Variants in MAFG observed in about 807,000 individuals in gnomAD.
MAFG encodes the protein MAF bZIP transcription factor G, also known as transcription factor MafG.
A neutral mutation model predicts 12.2 loss-of-function variants in MAFG; 3 were observed. The ratio of observed to expected loss-of-function variants is 0.25; its 90% CI spans 0.11 to 0.64. The LOEUF (loss-of-function observed/expected upper bound fraction) is 0.64, where lower values mean the gene tolerates loss of function less well. Ranked by LOEUF, MAFG falls within the 30% of genes least tolerant of loss-of-function variation. The pLI is 0.85. For missense variants in MAFG, 153 were observed against 235.5 expected (o/e 0.65, Z 2.29); for synonymous variants, 126 against 109.1 (o/e 1.15, Z -0.96).
At chr17:81,929,584 CTT>C (rs1373618159), upstream of MAFG, 2 of 152,510 alleles carry the variant, frequency 1.3e-5, no homozygotes, top group Non-Finnish European at 2.9e-5. The surrounding 1 kb of genome is among the most constrained non-coding windows in gnomAD (Gnocchi z 5.7). Context: ...GCCCAGGACA[CTT>C]GTCCCTGGAC....
In MAFG at chr17:81,920,097, G is replaced by A. The variant is rs566228256; in HGVS notation, c.*2508C>T. Reference sequence around the variant, plus strand: ...AGGAGGGCCTGTTTCTCCCCACTCCGAGGCAGATCATGACGTTTTCTTCAT... The same window carrying A: ...AGGAGGGCCTGTTTCTCCCCACTCCAAGGCAGATCATGACGTTTTCTTCAT... On this transcript the variant is annotated 3_prime_UTR_variant, in exon 3 of 3. Transcript: ENST00000357736. The A allele has an allele frequency of 7.2e-5, 11 of 152,314 alleles. No homozygotes were observed. In the East Asian group the frequency reaches 1.7e-3, roughly 24 times the overall value. The allele number at this position is 152,314 out of a possible 1,614,324, so 9.4% of individuals were successfully genotyped here. A position where few individuals can be genotyped will look rare whatever the true frequency, so the allele number is the denominator to read the frequency against.
chr17:81,923,444 G>C (rs1168700665), intron 1 of MAFG: 1 of 436,592 alleles, frequency 2.3e-6, no homozygotes, highest in East Asian at 3.7e-5. Context: ...AGGTCAGGAA[G>C]GTCTGACGGG....
In MAFG at chr17:81,926,697, C is replaced by A. The variant is rs905245549; in HGVS notation, c.-30+831G>T. Among the ~76,000 whole-genome samples, 1 of 152,166 alleles carries A rather than the reference C, an allele frequency of 6.6e-6. No homozygotes were observed. The highest frequency in any genetic ancestry group is 2.4e-5 in the African/African-American group (1 of 41,420). Reference sequence around the variant, plus strand: ...CCAGGACCAGCTGCCGGAAAAGAGCCGCCTGGGAAGGGGTGGACCGCCCGG... The same window carrying A: ...CCAGGACCAGCTGCCGGAAAAGAGCAGCCTGGGAAGGGGTGGACCGCCCGG... On this transcript the variant is annotated intron_variant, in intron 1 of 2. Transcript: ENST00000357736. This position sits in a 1 kb window ranked among gnomAD's most constrained non-coding sequence, Gnocchi z 4.6.
intron 1 of MAFG, among the ~76,000 whole-genome samples, chr17:81,927,120 G>T (rs1265491532): frequency 6.6e-6 from 1 of 151,584 alleles, no homozygotes; most frequent in Non-Finnish European, 1.5e-5. Context: ...CGCGGCCACC[G>T]GATGAATCAG....
intron 2 of MAFG, 33 bp from the exon 3 acceptor site, chr17:81,923,090 C>T (rs540359807): frequency 1.3e-5 from 21 of 1,609,046 alleles, no homozygotes; most frequent in South Asian, 8.9e-5. Context: ...ACAGGCCAAG[C>T]GGGCACGCCC....
chr17:81,925,377 C>T (rs1399375395), intron 1 of MAFG, among the ~76,000 whole-genome samples: 2 of 152,254 alleles, frequency 1.3e-5, no homozygotes, highest in Non-Finnish European at 2.9e-5. Flanking sequence ...ACACAGACAG[C>T]CCCACCTGGC....
Position 81,923,175 on chromosome 17 carries a change from G to C in MAFG, c.11C>G (p.Pro4Arg). MTT[P>R]NKGNKALKVK... Reference sequence around the variant, plus strand: ...CTTCAAGGCCTTGTTTCCTTTATTGGGGGTCGTCATAACCCGGGGGCACAG... The same window carrying C: ...CTTCAAGGCCTTGTTTCCTTTATTGCGGGTCGTCATAACCCGGGGGCACAG... Residue 4 changes from proline (P) to arginine (R), a missense_variant, in exon 2 of 3, where the codon CCC becomes CGC. Transcript: ENST00000357736. 1 of 1,607,624 alleles carries C rather than the reference G, an allele frequency of 6.2e-7. No individual in the cohort carries two copies. Among genetic ancestry groups the C allele is most frequent in the Non-Finnish European group, 8.5e-7 (1 of 1,176,954 alleles).
In MAFG at chr17:81,918,342, A is replaced by G. The variant is rs2040849992; in HGVS notation, c.*4263T>C. On this transcript the variant is annotated 3_prime_UTR_variant, in exon 3 of 3. Coordinates refer to ENST00000357736, the MANE Select transcript of MAFG (RefSeq NM_002359.4). ...TATATCACAAACATACACTATGTACAGCAATAAATACCCGGGGGGCCAGGC... is the reference window on the plus strand; with the variant it reads ...TATATCACAAACATACACTATGTACGGCAATAAATACCCGGGGGGCCAGGC... 1 of 412,410 alleles carries G rather than the reference A, an allele frequency of 2.4e-6. No individual in the cohort carries two copies. Among genetic ancestry groups the G allele is most frequent in the South Asian group, 5.1e-5 (1 of 19,754 alleles). 25.5% of individuals were successfully genotyped at this position (412,410 alleles called of 1,614,324 possible). A position where few individuals can be genotyped will look rare whatever the true frequency, so the allele number is the denominator to read the frequency against.
rs375467089 is a variant in MAFG, at chr17:81,923,142, C to T, written c.36+8G>A. The T allele has an allele frequency of 6.2e-7, 1 of 1,611,764 alleles. No individual in the cohort carries two copies. Among genetic ancestry groups the T allele is most frequent in the African/African-American group, 1.3e-5 (1 of 74,884 alleles). On this transcript the variant is annotated splice_region_variant and intron_variant, in intron 2 of 2. Coordinates refer to ENST00000357736, the MANE Select transcript of MAFG (RefSeq NM_002359.4). ...CCAGCCCACAGGCTCCTGTCCCTGC[C>T]CACTCACCTTCAAGGCCTTGTTTCC... is the stretch of plus-strand genomic sequence containing the variant.
rs1359203405 is a variant in MAFG at position 81,920,479 on chromosome 17, C to T, written c.*2126G>A. On this transcript the variant is annotated 3_prime_UTR_variant, in exon 3 of 3. Transcript: ENST00000357736. The stretch of plus-strand genomic sequence containing the variant: ...GCCCCACAGAAAAGAAACCAGCAAC[C>T]CGGTGAAAGGCCAGGGCTCACATGG... The T allele has an allele frequency of 6.6e-6, 1 of 152,250 alleles. No homozygotes were observed. The highest frequency in any genetic ancestry group is 6.5e-5 in the Admixed American group (1 of 15,286). 9.4% of individuals were successfully genotyped at this position (152,250 alleles called of 1,614,324 possible).
intron 1 of MAFG, among the ~76,000 whole-genome samples, chr17:81,923,690 G>A (rs1350115176): frequency 6.6e-6 from 1 of 152,084 alleles, no homozygotes; most frequent in Admixed American, 6.5e-5. Context: ...CGCCCCACGA[G>A]AGCCGCAGCC....
chr17:81,923,254 CTCGCCGCA>C, intron 1 of MAFG, 40 bp from the exon 2 acceptor site: 1 of 1,033,656 alleles, frequency 9.7e-7, no homozygotes, highest in Non-Finnish European at 1.3e-6. Context: ...GGAGACCACC[CTCGCCGCA>C]CCCCCCCCCC....
chr17:81,922,596 C>A lies in MAFG; in HGVS notation c.*9G>T. On this transcript the variant is annotated 3_prime_UTR_variant, in exon 3 of 3. Transcript: ENST00000357736. ...CCCCGCAAAGACCCGCCTGGGCAGA[C>A]GCGCGTCCCTACGATCGGGCATCCG... 6.9e-7 allele frequency: 1 copy of A among 1,456,824 alleles called. No individual in the cohort carries two copies. The highest frequency in any genetic ancestry group is 9.0e-7 in the Non-Finnish European group (1 of 1,106,696). 90.2% of individuals were successfully genotyped at this position (1,456,824 alleles called of 1,614,324 possible). A position where few individuals can be genotyped will look rare whatever the true frequency, so the allele number is the denominator to read the frequency against.
chr17:81,922,846 T>C lies in MAFG; in HGVS notation c.248A>G (p.Lys83Arg). 6.2e-7 allele frequency: 1 copy of C among 1,611,026 alleles called. No homozygotes were observed. The highest frequency in any genetic ancestry group is 8.5e-7 in the Non-Finnish European group (1 of 1,178,940). The change falls in exon 3 of 3, where the codon AAG becomes AGG. Residue 83 changes from lysine to arginine, a missense_variant. Around this residue, in one of 3 missense-constraint regions of MAFG, gnomAD observed 29 missense variants for 75.3 expected, o/e 0.39. Coordinates refer to ENST00000357736, the MANE Select transcript of MAFG (RefSeq NM_002359.4). ...CTCCACCTCCTGCTGCAGCTCCGCC[T>C]TCTGCTTCTCCAGCTCCTCCTTCTG... ...VTQKEELEKQ[K>R]AELQQEVEKL...
upstream of MAFG, chr17:81,930,716 G>T (rs771248174): frequency 2.6e-5 from 4 of 152,236 alleles, no homozygotes; most frequent in Non-Finnish European, 5.9e-5. This position sits in a 1 kb window ranked among gnomAD's most constrained non-coding sequence, Gnocchi z 4.1. Context: ...GCAGAGGCGG[G>T]CAGCTCCTCC....
intron 1 of MAFG, among the ~76,000 whole-genome samples, chr17:81,923,794 G>A (rs1207426203): frequency 6.6e-6 from 1 of 152,188 alleles, no homozygotes; most frequent in African/African-American, 2.4e-5. Context: ...CCCTGAGCCG[G>A]CCTCGGACAA....
rs1219332949 is a variant in MAFG, at chr17:81,926,010, GT to G, written c.-30+1517del. ...TGAGAATGGACCTGTGTGTGTGTGT[GT>G]GTGTGTGTGTGTGTGTGGCGGGGGG... On this transcript the variant is annotated intron_variant, in intron 1 of 2. Transcript: ENST00000357736. The surrounding 1 kb of genome is among the most constrained non-coding windows in gnomAD (Gnocchi z 4.6). Among the ~76,000 whole-genome samples the G allele has an allele frequency of 3.0e-5, 4 of 133,608 alleles. No individual in the cohort carries two copies. Among genetic ancestry groups the G allele is most frequent in the Non-Finnish European group, 4.8e-5 (3 of 62,510 alleles). 87.7% of individuals were successfully genotyped at this position (133,608 alleles called of 152,430 possible).
chr17:81,926,976 A>C lies in MAFG; in HGVS notation c.-30+552T>G, dbSNP rs1360426383. Among the ~76,000 whole-genome samples, 1 of 151,940 alleles carries C rather than the reference A, an allele frequency of 6.6e-6. No individual in the cohort carries two copies. Among genetic ancestry groups the C allele is most frequent in the East Asian group, 1.9e-4 (1 of 5,154 alleles). ...AGTGACCTCACGCTGATGACTCAGCAAGTCTCCCTCCGGGCTCTGGCACGC... is the reference window on the plus strand; with the variant it reads ...AGTGACCTCACGCTGATGACTCAGCCAGTCTCCCTCCGGGCTCTGGCACGC... On this transcript the variant is annotated intron_variant, in intron 1 of 2. Transcript: ENST00000357736. This position sits in a 1 kb window ranked among gnomAD's most constrained non-coding sequence, Gnocchi z 4.6.
At chr17:81,923,262 A>AT in intron 1 of MAFG, 48 bp from the exon 2 acceptor site, 1 of 361,770 alleles carries the variant, frequency 2.8e-6, no homozygotes, top group South Asian at 6.5e-5. Context: ...CCCTCGCCGC[A>AT]CCCCCCCCCC....
Sources: gnomAD v4.1 joint callset for allele counts (sites outside exome capture counted in the v4.1 genomes callset) on GRCh38, gnomAD v4.1.1 for gene constraint, gnomAD v4.1.1 regional missense constraint, Gnocchi (gnomAD v3.1) non-coding constraint, MANE v1.5 for transcripts, NCBI Gene and HGNC (gene_info 2026-07-23, HGNC 2026-07-21) for gene names.